Variants in GGA1 observed in about 807,000 individuals in gnomAD.
GGA1 encodes golgi associated, gamma adaptin ear containing, ARF binding protein 1, also known as ADP-ribosylation factor-binding protein GGA1.
Under a neutral mutation model 76.9 loss-of-function variants are expected in GGA1, and 18 were observed. That is an observed-to-expected ratio of 0.23 (90% CI 0.16 to 0.35). The LOEUF (loss-of-function observed/expected upper bound fraction) is 0.35, where lower values mean the gene tolerates loss of function less well. Among genes scored for constraint, GGA1 ranks in the 10% least tolerant of loss-of-function variants. The pLI is 1.00. For missense variants in GGA1, 755 were observed against 859.0 expected (o/e 0.88, Z 1.51); for synonymous variants, 342 against 354.7 (o/e 0.96, Z 0.40).
chr22:37,632,358 G>T lies in GGA1; in HGVS notation c.1699-47G>T. On this transcript the variant is annotated intron_variant, in intron 15 of 16. Transcript: ENST00000343632. This position sits in a 1 kb window ranked among gnomAD's most constrained non-coding sequence, Gnocchi z 5.1. ...GGCTGGGCCTGGTTCCTCAGAGCAG[G>T]ACAAGCAGCCAGGGCTAGCTGTGCC... is the stretch of plus-strand genomic sequence containing the variant. 1 of 1,453,646 alleles carries T rather than the reference G, an allele frequency of 6.9e-7. No homozygotes were observed. The highest frequency in any genetic ancestry group is 9.7e-7 in the Non-Finnish European group (1 of 1,034,346). The allele number at this position is 1,453,646 out of a possible 1,614,324, so 90.0% of individuals were successfully genotyped here.
chr22:37,612,841 T>C, intron 1 of GGA1: 1 of 789,832 alleles, frequency 1.3e-6, no homozygotes. Flanking sequence ...CAGGGAAGCA[T>C]GTAAGCTAGA....
chr22:37,620,468 G>A (rs1929681711), intron 5 of GGA1, 107 bp downstream of exon 5: 1 of 1,212,380 alleles, frequency 8.2e-7, no homozygotes, highest in Non-Finnish European at 1.2e-6. Context: ...AAGGTCATGG[G>A]TCTGTCCTTT....
rs771955351 is a variant in GGA1, at chr22:37,616,996, C to T, written c.203C>T (p.Thr68Met). The T allele has an allele frequency of 8.1e-6, 13 of 1,603,198 alleles. No individual in the cohort carries two copies. Among genetic ancestry groups the T allele is most frequent in the South Asian group, 3.4e-5 (3 of 89,122 alleles). The change falls in exon 3 of 17, where the codon ACG becomes ATG. Residue 68 changes from threonine (T) to methionine (M), a missense_variant and splice_region_variant. Transcript: ENST00000343632. ...PQEWEAIQAL[T>M]VLETCMKSCG... Reference sequence around the variant, plus strand: ...GAGTGGGAGGCGATCCAGGCCTTGACGGTGAGAAGGGGAGAGGCCACCATC... The same window carrying T: ...GAGTGGGAGGCGATCCAGGCCTTGATGGTGAGAAGGGGAGAGGCCACCATC...
chr22:37,613,738 C>T (rs1928203118), intron 1 of GGA1, among the ~76,000 whole-genome samples: 2 of 152,158 alleles, frequency 1.3e-5, no homozygotes, highest in African/African-American at 4.8e-5. Context: ...TTCCCTCTGT[C>T]ACACGTTATT....
rs1469854936 is a variant in GGA1, at chr22:37,625,928, G to C, written c.1072G>C (p.Asp358His). 4.4e-6 allele frequency: 7 copies of C among 1,598,314 alleles called. No individual in the cohort carries two copies. The highest frequency in any genetic ancestry group is 2.2e-5 in the South Asian group (2 of 90,178). The part of the protein sequence containing the change: ...EQPSASVSLL[D>H]DELMSLGLSD... ...GCCCAGTGCCTCAGTTTCCCTGCTT[G>C]ACGACGAGCTCATGTCTCTGGGTGA... Residue 358 changes from aspartate (D) to histidine (H), a missense_variant, in exon 11 of 17, where the codon GAC (aspartate) becomes CAC (histidine). By Grantham distance (81) the Asp-to-His change is moderately conservative. Coordinates refer to ENST00000343632, the MANE Select transcript of GGA1 (RefSeq NM_013365.5). This position sits in a 1 kb window ranked among gnomAD's most constrained non-coding sequence, Gnocchi z 4.1.
intron 1 of GGA1, among the ~76,000 whole-genome samples, chr22:37,611,713 T>C (rs1927620055): frequency 6.6e-6 from 1 of 152,226 alleles, no homozygotes; most frequent in Non-Finnish European, 1.5e-5. Context: ...CTGGGCTGTG[T>C]CCTTCCACAC....
chr22:37,631,950 G>A (rs1601565517), intron 14 of GGA1, 46 bp from the exon 15 acceptor site: 1 of 1,547,822 alleles, frequency 6.5e-7, no homozygotes, highest in Non-Finnish European at 8.8e-7. Flanking sequence ...CTGAGCGGAT[G>A]TGCTGCAGCT....
In GGA1 at chr22:37,633,089, CTT is replaced by C. The variant is rs1245201876; in HGVS notation, c.*379_*380del. 5 of 212,742 alleles carry C rather than the reference CTT, an allele frequency of 2.4e-5. No homozygotes were observed. The highest frequency in any genetic ancestry group is 4.8e-5 in the Non-Finnish European group (5 of 103,742). 13.2% of individuals were successfully genotyped at this position (212,742 alleles called of 1,614,324 possible). A position where few individuals can be genotyped will look rare whatever the true frequency, so the allele number is the denominator to read the frequency against. ...GGGGTGGGGTCTTCCCCACCTGTCT[CTT>C]ATGCCTTATGGGAAGGCCCAGCCAT... On this transcript the variant is annotated 3_prime_UTR_variant, in exon 17 of 17. Transcript: ENST00000343632.
Position 37,632,270 on chromosome 22 carries a change from G to A in GGA1, c.1698+105G>A, listed in dbSNP as rs974806758. 1 of 1,340,738 alleles carries A rather than the reference G, an allele frequency of 7.5e-7. No individual in the cohort carries two copies. Among genetic ancestry groups the A allele is most frequent in the Middle Eastern group, 1.9e-4 (1 of 5,288 alleles). 83.1% of individuals were successfully genotyped at this position (1,340,738 alleles called of 1,614,324 possible). ...AGGGGGCAGGTCTCCCTCCCTTGCT[G>A]GGTGGTTGGTGTAGAAGGGACCAGA... On this transcript the variant is annotated intron_variant, in intron 15 of 16. Transcript: ENST00000343632. The surrounding 1 kb of genome is among the most constrained non-coding windows in gnomAD (Gnocchi z 5.1).
chr22:37,628,728 C>T (rs1454229608), intron 11 of GGA1, among the ~76,000 whole-genome samples: 1 of 152,242 alleles, frequency 6.6e-6, no homozygotes, highest in Non-Finnish European at 1.5e-5. Flanking sequence ...TGTCAGGTAG[C>T]ACTTCGGTTT....
At chr22:37,630,878 C>G (rs1246973952) in intron 13 of GGA1, 25 bp from the exon 14 acceptor site, 2 of 1,569,536 alleles carry the variant, frequency 1.3e-6, no homozygotes, top group Non-Finnish European at 1.7e-6. Context: ...AGAATCACTT[C>G]TTAATGCACT....
intron 5 of GGA1, 40 bp from the exon 6 acceptor site, chr22:37,620,773 G>A (rs754325320): frequency 1.6e-6 from 2 of 1,244,222 alleles, no homozygotes; most frequent in East Asian, 4.6e-5. Flanking sequence ...CCCTGGGCCT[G>A]GGACATATTG....
intron 1 of GGA1, 88 bp downstream of exon 1, chr22:37,608,991 T>G (rs2145851453): frequency 1.5e-6 from 2 of 1,328,238 alleles, no homozygotes. Flanking sequence ...GGGGTACGGG[T>G]CGCCCCCTCC....
chr22:37,619,771 C>T (rs555573416), intron 4 of GGA1: 2 of 777,994 alleles, frequency 2.6e-6, no homozygotes, highest in African/African-American at 3.4e-5. Flanking sequence ...CTGAATAATC[C>T]ATATGGCCTC....
chr22:37,630,627 CATG>C (rs1301288889), intron 13 of GGA1: 10 of 508,856 alleles, frequency 2.0e-5, no homozygotes, highest in Middle Eastern at 5.0e-4. Context: ...AGTACAGTGG[CATG>C]ATCTCGGCTC....
At chr22:37,627,605 G>T (rs897367244) in intron 11 of GGA1, among the ~76,000 whole-genome samples, 2 of 152,180 alleles carry the variant, frequency 1.3e-5, no homozygotes, top group African/African-American at 4.8e-5. Context: ...AGTGGGTGGG[G>T]AAGTACTGCA....
At chr22:37,609,722 C>T (rs1459247652) in intron 1 of GGA1, among the ~76,000 whole-genome samples, 1 of 152,190 alleles carries the variant, frequency 6.6e-6, no homozygotes, top group Non-Finnish European at 1.5e-5. Context: ...CTCTCACAGC[C>T]CCGCTCCTGG....
At chr22:37,619,876 G>T (rs1383777423) in intron 4 of GGA1, 1 of 758,402 alleles carries the variant, frequency 1.3e-6, no homozygotes, top group African/African-American at 1.7e-5. Flanking sequence ...GGGCCTCCCA[G>T]TTCCACCCTC....
At chr22:37,626,524 T>C (rs1930871431) in intron 11 of GGA1, 1 of 152,058 alleles carries the variant, frequency 6.6e-6, no homozygotes, top group East Asian at 1.9e-4. Context: ...TTCCAACTGC[T>C]CTCAGGGCAG....
Sources: gnomAD v4.1 joint callset for allele counts (sites outside exome capture counted in the v4.1 genomes callset) on GRCh38, gnomAD v4.1.1 for gene constraint, Gnocchi (gnomAD v3.1) non-coding constraint, MANE v1.5 for transcripts, NCBI Gene and HGNC (gene_info 2026-07-23, HGNC 2026-07-21) for gene names.